POLE: variants seen among roughly 807,000 people sequenced by gnomAD.
The protein encoded by POLE is DNA polymerase epsilon catalytic subunit A.
POLE carries 188 observed loss-of-function variants against 279.2 expected under a neutral mutation model. The ratio of observed to expected loss-of-function variants is 0.67; its 90% CI spans 0.60 to 0.76. The LOEUF is 0.76. Among genes scored for constraint, POLE ranks in the 30% least tolerant of loss-of-function variants. The pLI is 0.00. For missense variants in POLE, 2,703 were observed against 3,016.7 expected (o/e 0.90, Z 2.44); for synonymous variants, 1,214 against 1,172.5 (o/e 1.04, Z -0.72).
chr12:132,647,960 C>T (rs2042324665), intron 32 of POLE, among the ~76,000 whole-genome samples: 1 of 152,318 alleles, frequency 6.6e-6, no homozygotes, highest in South Asian at 2.1e-4. Context: ...AATCGAGTTT[C>T]ACCTTCTCCA....
Position 132,661,110 on chromosome 12 carries a change from G to C in POLE, c.2919C>G (p.Val973=), listed in dbSNP as rs1060500819. 1 of 1,613,534 alleles carries C rather than the reference G, an allele frequency of 6.2e-7. No homozygotes were observed. The highest frequency in any genetic ancestry group is 1.1e-5 in the South Asian group (1 of 91,042). ...GSLAELKGFE[V]KRRGELQLIK... is the part of the protein sequence containing the mutation. Reference sequence around the variant, plus strand: ...TCAGCTGCAGTTCCCCGCGGCGTTTGACCTCAAAGCCCTTGAGCTCAGCCA... The same window carrying C: ...TCAGCTGCAGTTCCCCGCGGCGTTTCACCTCAAAGCCCTTGAGCTCAGCCA... The change falls in exon 25 of 49, where the codon GTC becomes GTG. Residue 973 remains valine (V), a synonymous_variant. Transcript: ENST00000320574. The surrounding 1 kb of genome is among the most constrained non-coding windows in gnomAD (Gnocchi z 4.1).
intron 20 of POLE, among the ~76,000 whole-genome samples, chr12:132,666,147 C>T (rs4883582): frequency 1.3e-5 from 2 of 152,056 alleles, no homozygotes; most frequent in African/African-American, 4.8e-5. Context: ...CAGGATTGCT[C>T]GCGACAGCCA....
At chr12:132,635,435 T>C (rs2042012026) in intron 42 of POLE, among the ~76,000 whole-genome samples, 1 of 152,112 alleles carries the variant, frequency 6.6e-6, no homozygotes, top group African/African-American at 2.4e-5. Context: ...CCAAGAAAGC[T>C]CCAACATCAC....
At chr12:132,625,432 A>C (rs748064391) in intron 47 of POLE, 2 of 770,314 alleles carry the variant, frequency 2.6e-6, no homozygotes, top group Non-Finnish European at 4.7e-6. Flanking sequence ...AGAACGAAGC[A>C]CCCACAAGGC....
chr12:132,641,620 A>G, intron 39 of POLE, 27 bp downstream of exon 39: 1 of 1,592,306 alleles, frequency 6.3e-7, no homozygotes. Flanking sequence ...TTCTATTAGT[A>G]ACACTCCTTC....
In POLE at chr12:132,642,266, C is replaced by A. The variant is rs920535000; in HGVS notation, c.5084G>T (p.Gly1695Val). ...WLSPTARPDLGGKEADDNCLV... is the reference protein window; with the variant it reads ...WLSPTARPDLVGKEADDNCLV... ...ACAGTTGTCATCAGCCTCCTTTCCA[C>A]CCAGGTCAGGGCGGGCTGTAGGGGA... Residue 1695 changes from glycine to valine, a missense_variant, in exon 38 of 49, where the codon GGT becomes GTT. By Grantham distance (109) the Gly-to-Val change is moderately radical. Transcript: ENST00000320574. The A allele has an allele frequency of 1.2e-6, 2 of 1,611,362 alleles. No individual in the cohort carries two copies. Among genetic ancestry groups the A allele is most frequent in the South Asian group, 2.2e-5 (2 of 90,580 alleles).
At position 132,625,726 on chromosome 12, in the gene POLE, C is replaced by T. The variant is rs368555884; in HGVS notation, c.6576G>A (p.Ala2192=). 70 of 1,613,240 alleles carry T rather than the reference C, an allele frequency of 4.3e-5. No individual in the cohort carries two copies. The African/African-American group carries it at 6.5e-4, about 15-fold the overall frequency. ...TCTCGATGGCAGAGGAGTCGTAGGG[C>T]GCCTGACAGTTGGAGCAGAGCCACT... The part of the protein sequence containing the change: ...LPQWLCSNCQ[A]PYDSSAIEMT... The change falls in exon 47 of 49, where the codon GCG becomes GCA. Residue 2192 remains alanine (A), a synonymous_variant. Transcript: ENST00000320574.
Position 132,679,960 on chromosome 12 carries a change from C to A in POLE, c.417G>T (p.Leu139=). 1 of 1,610,658 alleles carries A rather than the reference C, an allele frequency of 6.2e-7. No homozygotes were observed. Among genetic ancestry groups the A allele is most frequent in the Non-Finnish European group, 8.5e-7 (1 of 1,177,316 alleles). ...AAGTCTGGGTGATACTCACCAAGTC[C>A]AGATCCTCTTTGGGGACAGTCTCCA... The part of the protein sequence containing the change: ...AKVETVPKED[L]DLPNHLVGLK... The change falls in exon 5 of 49, where the codon CTG becomes CTT. Residue 139 remains leucine (L), a synonymous_variant. Coordinates refer to ENST00000320574, the MANE Select transcript of POLE (RefSeq NM_006231.4).
In POLE at chr12:132,657,240, G is replaced by A. The variant is rs777401444; in HGVS notation, c.3478C>T (p.Arg1160Cys). Residue 1160 changes from arginine to cysteine, a missense_variant, in exon 29 of 49, where the codon CGT becomes TGT. By Grantham distance (180) the Arg-to-Cys change is radical (BLOSUM62 -3). Transcript: ENST00000320574. The stretch of plus-strand genomic sequence containing the variant: ...TGCAGCCAGTCGGGGTGTTTGACAC[G>A]TGGCACTGGGTTCTTTACCTGTGTG... ...ALQQVKNPVP[R>C]VKHPDWLHKK... The A allele has an allele frequency of 2.4e-5, 39 of 1,613,860 alleles. No individual in the cohort carries two copies. In the South Asian group the frequency reaches 3.8e-4, roughly 16 times the overall value.
chr12:132,626,216 G>A lies in POLE; in HGVS notation c.6432C>T (p.Phe2144=), dbSNP rs775605353. Residue 2144 remains phenylalanine, a synonymous_variant, in exon 46 of 49, where the codon TTC becomes TTT. Transcript: ENST00000320574. The part of the protein sequence containing the change: ...DVGEFSEEAQ[F]RDPCRSYVLP... Reference sequence around the variant, plus strand: ...GCACGTAGGAGCGGCAGGGGTCTCGGAACTGGGCCTCCTCGGAGAACTCGC... The same window carrying A: ...GCACGTAGGAGCGGCAGGGGTCTCGAAACTGGGCCTCCTCGGAGAACTCGC... The A allele has an allele frequency of 3.1e-6, 5 of 1,613,864 alleles. No individual in the cohort carries two copies. The Admixed American group carries it at 8.3e-5, about 27-fold the overall frequency.
intron 40 of POLE, chr12:132,638,756 G>A (rs2042083177): frequency 4.5e-6 from 1 of 221,720 alleles, no homozygotes; most frequent in South Asian, 8.2e-5. Context: ...TTTGCTATTT[G>A]TAACAACGGC....
chr12:132,668,581 G>A lies in POLE; in HGVS notation c.2026+54C>T, dbSNP rs1207632243. On this transcript the variant is annotated intron_variant, in intron 18 of 48. Transcript: ENST00000320574. The surrounding 1 kb of genome is among the most constrained non-coding windows in gnomAD (Gnocchi z 4.0). ...TCCCACCAAGTGGAGAAAGGCGGCC[G>A]ACACTCACCCACCCGTTTCCCACCG... 13 of 1,583,474 alleles carry A rather than the reference G, an allele frequency of 8.2e-6. No individual in the cohort carries two copies. The highest frequency in any genetic ancestry group is 1.7e-4 in the Middle Eastern group (1 of 5,896).
intron 10 of POLE, 51 bp downstream of exon 10, chr12:132,676,043 T>G (rs749362183): frequency 1.6e-6 from 2 of 1,216,080 alleles, no homozygotes; most frequent in South Asian, 2.5e-5. Flanking sequence ...AAGATCCACA[T>G]GTCCGTTCTT....
intron 32 of POLE, among the ~76,000 whole-genome samples, chr12:132,646,651 G>A (rs2042290735): frequency 1.3e-5 from 2 of 151,970 alleles, no homozygotes; most frequent in South Asian, 4.2e-4. Context: ...AACCAACACA[G>A]AGAAACCCCA....
chr12:132,673,756 C>G (rs373243003), intron 12 of POLE, 49 bp from the exon 13 acceptor site: 3 of 1,606,004 alleles, frequency 1.9e-6, no homozygotes, highest in Non-Finnish European at 2.5e-6. Flanking sequence ...ACATGCAGCC[C>G]GGGAACCCCT....
chr12:132,659,883 G>C (rs972725513), intron 25 of POLE: 6 of 223,912 alleles, frequency 2.7e-5, no homozygotes, highest in Middle Eastern at 1.7e-3. Flanking sequence ...GTAGAGAAAG[G>C]GTTTTGCCAT....
At position 132,672,716 on chromosome 12, in the gene POLE, C is replaced by T. The variant is rs374140892; in HGVS notation, c.1597G>A (p.Val533Met). 44 of 1,614,042 alleles carry T rather than the reference C, an allele frequency of 2.7e-5. No homozygotes were observed. The African/African-American group carries it at 4.8e-4, about 18-fold the overall frequency. ...EFNKLTDDGH[V>M]LDSETYVGGH... The stretch of plus-strand genomic sequence containing the variant: ...CCGACGTAGGTCTCAGAGTCCAGCA[C>T]GTGTCCGTCGTCCGTCAGCTTATTG... The change falls in exon 15 of 49, where the codon GTG (valine) becomes ATG (methionine). Residue 533 changes from valine to methionine, a missense_variant. By Grantham distance (21) the Val-to-Met change is conservative. This residue lies in a region of POLE where 1,011 missense variants were observed against 1,111.7 expected (regional missense o/e 0.91). Transcript: ENST00000320574.
chr12:132,669,406 G>GT (rs1213927433), intron 16 of POLE, among the ~76,000 whole-genome samples: 1 of 151,908 alleles, frequency 6.6e-6, no homozygotes, highest in Non-Finnish European at 1.5e-5. Context: ...CAAGGCTGTA[G>GT]TGAGCCCAGA....
Position 132,665,554 on chromosome 12 carries a change from A to G in POLE, c.2320-104T>C, listed in dbSNP as rs4883586. 0.46 allele frequency: 610,594 copies of G among 1,333,474 alleles called. 142,969 individuals are homozygous for G. The highest frequency in any genetic ancestry group is 0.7 in the East Asian group (27,938 of 40,024). 82.6% of individuals were successfully genotyped at this position (1,333,474 alleles called of 1,614,324 possible). A position where few individuals can be genotyped will look rare whatever the true frequency, so the allele number is the denominator to read the frequency against. On this transcript the variant is annotated intron_variant, in intron 20 of 48. Transcript: ENST00000320574. Reference sequence around the variant, plus strand: ...GTATTTTGAAAATTTTCAAATCTATAGAAAACCTAAAAAACCAGTACAATG... The same window carrying G: ...GTATTTTGAAAATTTTCAAATCTATGGAAAACCTAAAAAACCAGTACAATG...
Sources: gnomAD v4.1 joint callset for allele counts (sites outside exome capture counted in the v4.1 genomes callset) on GRCh38, gnomAD v4.1.1 for gene constraint, gnomAD v4.1.1 regional missense constraint, Gnocchi (gnomAD v3.1) non-coding constraint, MANE v1.5 for transcripts, NCBI Gene and HGNC (gene_info 2026-07-23, HGNC 2026-07-21) for gene names.